PLXNA4: variants seen among roughly 807,000 people sequenced by gnomAD.
PLXNA4 encodes plexin-A4.
PLXNA4 carries 44 observed loss-of-function variants against 191.8 expected under a neutral mutation model. That is an observed-to-expected ratio of 0.23 (90% CI 0.18 to 0.29). The LOEUF is 0.29. PLXNA4 is among the 10% of genes least tolerant of loss of function. The probability of loss-of-function intolerance (pLI) is 1.00; values close to 1 mark genes in which losing one functional copy is unlikely to be tolerated. For missense variants in PLXNA4, 1,800 were observed against 2,488.8 expected (o/e 0.72, Z 5.89); for synonymous variants, 1,082 against 1,009.5 (o/e 1.07, Z -1.36).
chr7:132,648,298 A>G (rs894455106), intron 1 of PLXNA4, among the ~76,000 whole-genome samples: 2 of 152,206 alleles, frequency 1.3e-5, no homozygotes, highest in African/African-American at 4.8e-5. Context: ...GATTACTGAG[A>G]CTAGTGACTT....
At chr7:132,289,362 A>G (rs746121388) in intron 4 of PLXNA4, among the ~76,000 whole-genome samples, 4 of 152,064 alleles carry the variant, frequency 2.6e-5, no homozygotes, top group Non-Finnish European at 5.9e-5. Context: ...TCACCTGCTA[A>G]CCTAGTCTCT....
chr7:132,263,505 A>G (rs1282328454), intron 4 of PLXNA4, among the ~76,000 whole-genome samples: 1 of 152,198 alleles, frequency 6.6e-6, no homozygotes, highest in Non-Finnish European at 1.5e-5. Flanking sequence ...AAGAAACCCT[A>G]CCTGGGTTGT....
chr7:132,132,420 C>CTGTTCTGTTCTGT (rs1563047952), intron 31 of PLXNA4, among the ~76,000 whole-genome samples: 36 of 61,184 alleles, frequency 5.9e-4, no homozygotes, highest in African/African-American at 2.0e-3. Flanking sequence ...CTGTTCTGTT[C>CTGTTCTGTTCTGT]TGTTCTGTTC....
At position 132,187,171 on chromosome 7, in the gene PLXNA4, C is replaced by T. The variant is rs1214281448; in HGVS notation, c.2993+300G>A. On this transcript the variant is annotated intron_variant, in intron 15 of 31. Coordinates refer to ENST00000321063, the MANE Select transcript of PLXNA4 (RefSeq NM_020911.2). ...CCAACCAATCAGCATTCCCCACTCC[C>T]TAACCCCCCGCCTGCCAAATTATCC... Among the ~76,000 whole-genome samples the T allele has an allele frequency of 2.6e-5, 4 of 152,280 alleles. No homozygotes were observed. In the East Asian group the frequency reaches 5.8e-4, roughly 22 times the overall value.
At chr7:132,141,943 TG>T (rs1795283409) in intron 29 of PLXNA4, among the ~76,000 whole-genome samples, 1 of 152,186 alleles carries the variant, frequency 6.6e-6, no homozygotes, top group Admixed American at 6.5e-5. Context: ...TTGGCCAGGC[TG>T]ATCTTGAACT....
In PLXNA4 at chr7:132,539,285, T is replaced by TAC. The variant is rs144240287; in HGVS notation, c.-86-30508_-86-30507dup. 5.0e-3 allele frequency among the ~76,000 whole-genome samples: 764 copies of TAC among 152,286 alleles called. 6 individuals are homozygous for TAC. Among genetic ancestry groups the TAC allele is most frequent in the African/African-American group, 0.017 (687 of 41,556 alleles). On this transcript the variant is annotated intron_variant, in intron 1 of 31. Coordinates refer to ENST00000321063, the MANE Select transcript of PLXNA4 (RefSeq NM_020911.2). The stretch of plus-strand genomic sequence containing the variant: ...TATCCCTTGATGAGTGTGCTGTGTG[T>TAC]ACATGGGGAGAGGGACAGACCCTCC...
Position 132,526,338 on chromosome 7 carries a change from G to A in PLXNA4, c.-86-17559C>T, listed in dbSNP as rs138563803. Among the ~76,000 whole-genome samples the A allele has an allele frequency of 1.5e-3, 223 of 152,266 alleles. 2 individuals carry two copies. The highest frequency in any genetic ancestry group is 4.8e-3 in the African/African-American group (199 of 41,546). ...TTAATCTCCTGGCAGATGCCTGCACGCCTGTGACAACTGCCTTCTCCTGAT... is the reference window on the plus strand; with the variant it reads ...TTAATCTCCTGGCAGATGCCTGCACACCTGTGACAACTGCCTTCTCCTGAT... On this transcript the variant is annotated intron_variant, in intron 1 of 31. Coordinates refer to ENST00000321063, the MANE Select transcript of PLXNA4 (RefSeq NM_020911.2).
intron 23 of PLXNA4, 75 bp downstream of exon 23, chr7:132,165,059 G>T (rs1796082190): frequency 1.7e-5 from 26 of 1,567,420 alleles, no homozygotes; most frequent in Non-Finnish European, 2.2e-5. Flanking sequence ...GGACTCGGGG[G>T]TGTGGAGCGA....
chr7:132,484,937 A>T (rs368330529), intron 3 of PLXNA4: 5 of 1,614,048 alleles, frequency 3.1e-6, no homozygotes, highest in Non-Finnish European at 4.2e-6. Context: ...CTGAGAAGCA[A>T]TGTTCGCCCC....
Position 132,130,067 on chromosome 7 carries a change from C to T in PLXNA4, c.*412G>A, listed in dbSNP as rs1330197572. ...CTCTTCCCTAGGCCAAGGCTCAGAC[C>T]AAAGCAGGGGCTGCCAAAGTGGAAG... On this transcript the variant is annotated 3_prime_UTR_variant, in exon 32 of 32. Transcript: ENST00000321063. 1.5e-5 allele frequency: 3 copies of T among 203,226 alleles called. No homozygotes were observed. Among genetic ancestry groups the T allele is most frequent in the Non-Finnish European group, 3.1e-5 (3 of 97,494 alleles). 12.6% of individuals were successfully genotyped at this position (203,226 alleles called of 1,614,324 possible). A position where few individuals can be genotyped will look rare whatever the true frequency, so the allele number is the denominator to read the frequency against.
chr7:132,565,781 C>A (rs1801694878), intron 1 of PLXNA4, among the ~76,000 whole-genome samples: 1 of 151,984 alleles, frequency 6.6e-6, no homozygotes, highest in South Asian at 2.1e-4. Context: ...AAAATGAAAG[C>A]CAATGGTTTA....
At chr7:132,221,086 T>A (rs1343430666) in intron 9 of PLXNA4, among the ~76,000 whole-genome samples, 1 of 152,080 alleles carries the variant, frequency 6.6e-6, no homozygotes, top group African/African-American at 2.4e-5. Context: ...TGGACTCAAG[T>A]GATCCTCCCA....
chr7:132,132,030 G>A (rs925357632), intron 31 of PLXNA4, among the ~76,000 whole-genome samples: 10 of 152,212 alleles, frequency 6.6e-5, no homozygotes, highest in South Asian at 2.1e-4. Flanking sequence ...TCTTACTACC[G>A]TCCACTCAGA....
intron 13 of PLXNA4, among the ~76,000 whole-genome samples, chr7:132,196,408 G>A (rs1234264748): frequency 6.6e-6 from 1 of 152,130 alleles, no homozygotes; most frequent in Non-Finnish European, 1.5e-5. Flanking sequence ...AAGAACCTGT[G>A]TTCTCACTTA....
chr7:132,398,698 A>G (rs1479970513), intron 3 of PLXNA4, among the ~76,000 whole-genome samples: 3 of 152,326 alleles, frequency 2.0e-5, no homozygotes, highest in East Asian at 1.9e-4. Context: ...TTTCGGCCCA[A>G]TAGGCTCAGG....
chr7:132,293,622 C>T (rs1800971344), intron 4 of PLXNA4, among the ~76,000 whole-genome samples: 1 of 152,220 alleles, frequency 6.6e-6, no homozygotes, highest in South Asian at 2.1e-4. Context: ...TGCCCTGCTG[C>T]AGATACCAAA....
At chr7:132,577,630 C>T (rs954631636), upstream of PLXNA4, among the ~76,000 whole-genome samples, 3 of 152,160 alleles carry the variant, frequency 2.0e-5, no homozygotes, top group Non-Finnish European at 2.9e-5. Flanking sequence ...TGGGTCCCCT[C>T]GGCCCGCACG....
At chr7:132,641,401 G>T (rs1803740635) in intron 2 of PLXNA4, among the ~76,000 whole-genome samples, 1 of 152,090 alleles carries the variant, frequency 6.6e-6, no homozygotes, top group South Asian at 2.1e-4. Context: ...TTTCCTCTGT[G>T]CTCACACATC....
At chr7:132,201,586 T>C (rs1246581223) in intron 12 of PLXNA4, among the ~76,000 whole-genome samples, 2 of 152,160 alleles carry the variant, frequency 1.3e-5, no homozygotes, top group African/African-American at 4.8e-5. Flanking sequence ...CTGACCAGCA[T>C]CCGCAGTGGT....
Sources: allele counts gnomAD v4.1 joint callset (sites outside exome capture counted in the v4.1 genomes callset), GRCh38; gene constraint gnomAD v4.1.1; transcripts MANE v1.5; gene names NCBI Gene and HGNC (gene_info 2026-07-23, HGNC 2026-07-21).